The following BTRC variants were observed in gnomAD, a reference collection of about 807,000 sequenced individuals.
The protein encoded by BTRC is F-box/WD repeat-containing protein 1A.
BTRC carries 42 observed loss-of-function variants against 85.5 expected under a neutral mutation model. That is an observed-to-expected ratio of 0.49 (90% CI 0.38 to 0.64). The LOEUF (loss-of-function observed/expected upper bound fraction) is 0.64, where lower values mean the gene tolerates loss of function less well. Among genes scored for constraint, BTRC ranks in the 30% least tolerant of loss-of-function variants. The pLI is 0.00. For missense variants in BTRC, 594 were observed against 743.5 expected (o/e 0.80, Z 2.34); for synonymous variants, 255 against 263.3 (o/e 0.97, Z 0.30).
intron 13 of BTRC, among the ~76,000 whole-genome samples, chr10:101,547,907 A>G (rs895967424): frequency 2.1e-4 from 32 of 152,224 alleles, no homozygotes; most frequent in African/African-American, 6.3e-4. Context: ...GACAAATCAC[A>G]TGCTTATATC....
chr10:101,509,636 T>C (rs1946645387), intron 4 of BTRC, among the ~76,000 whole-genome samples: 1 of 148,746 alleles, frequency 6.7e-6, no homozygotes, highest in Non-Finnish European at 1.5e-5. Context: ...CACTGCAGGC[T>C]CAACCTCCCA....
At chr10:101,355,336 G>A (rs777020701) in intron 1 of BTRC, among the ~76,000 whole-genome samples, 1 of 152,238 alleles carries the variant, frequency 6.6e-6, no homozygotes, top group Non-Finnish European at 1.5e-5. Context: ...CACAGTGTGA[G>A]CAAAGATTGG....
At chr10:101,412,020 A>G (rs1288475884) in intron 1 of BTRC, among the ~76,000 whole-genome samples, 1 of 152,116 alleles carries the variant, frequency 6.6e-6, no homozygotes, top group Admixed American at 6.6e-5. Flanking sequence ...CTCCTAGTGA[A>G]TGTCATAAGT....
chr10:101,530,749 G>A (rs1002377903), intron 6 of BTRC, among the ~76,000 whole-genome samples: 2 of 152,202 alleles, frequency 1.3e-5, no homozygotes, highest in Non-Finnish European at 2.9e-5. Flanking sequence ...ATTCTTTAGA[G>A]CCCAGAAGGT....
chr10:101,416,225 G>C (rs1275305228), intron 1 of BTRC, among the ~76,000 whole-genome samples: 2 of 152,022 alleles, frequency 1.3e-5, no homozygotes, highest in Non-Finnish European at 2.9e-5. Context: ...TCCATTGTAT[G>C]CATATACTAG....
chr10:101,358,688 C>G lies in BTRC; in HGVS notation c.48+4460C>G, dbSNP rs2134466165. On this transcript the variant is annotated intron_variant, in intron 1 of 14. Coordinates refer to ENST00000370187, the MANE Select transcript of BTRC (RefSeq NM_033637.4). ...ACCTTCACTTCTCCTCTATATGGGC[C>G]TTTCTCTACCTGGCTGCTTGGATTT... 1.3e-5 allele frequency among the ~76,000 whole-genome samples: 2 copies of G among 152,224 alleles called. 1 individual carries two copies. Among genetic ancestry groups the G allele is most frequent in the South Asian group, 4.2e-4 (2 of 4,814 alleles).
intron 1 of BTRC, among the ~76,000 whole-genome samples, chr10:101,429,800 T>C (rs1297133151): frequency 6.8e-6 from 1 of 147,958 alleles, no homozygotes; most frequent in East Asian, 2.1e-4. Flanking sequence ...ACATAAAACA[T>C]ACGCAAACTG....
chr10:101,541,265 C>T (rs1485893099), intron 13 of BTRC, among the ~76,000 whole-genome samples: 5 of 147,130 alleles, frequency 3.4e-5, no homozygotes, highest in Non-Finnish European at 3.0e-5. Flanking sequence ...GGGTTTTTCT[C>T]TTTTTTTTTT....
chr10:101,384,546 T>G (rs900681154), intron 1 of BTRC, among the ~76,000 whole-genome samples: 1 of 152,216 alleles, frequency 6.6e-6, no homozygotes, highest in Non-Finnish European at 1.5e-5. Context: ...TTTTTTAAAG[T>G]GTGTATTTAT....
At chr10:101,451,066 A>G (rs1405545888) in intron 2 of BTRC, among the ~76,000 whole-genome samples, 1 of 152,190 alleles carries the variant, frequency 6.6e-6, no homozygotes, top group Admixed American at 6.5e-5. Flanking sequence ...GAAAATGGGC[A>G]AGCAAGAATT....
At chr10:101,547,882 CAG>C (rs1294512049) in intron 13 of BTRC, among the ~76,000 whole-genome samples, 1 of 152,166 alleles carries the variant, frequency 6.6e-6, no homozygotes, top group Admixed American at 6.5e-5. Flanking sequence ...TCCATCACAT[CAG>C]GGGGCTATAG....
At chr10:101,466,618 T>C (rs1340445625) in intron 3 of BTRC, among the ~76,000 whole-genome samples, 1 of 152,196 alleles carries the variant, frequency 6.6e-6, no homozygotes, top group East Asian at 1.9e-4. Context: ...TTAAAGGTGC[T>C]GACCCACTGA....
chr10:101,415,008 G>C (rs191446331), intron 1 of BTRC, among the ~76,000 whole-genome samples: 24 of 148,566 alleles, frequency 1.6e-4, no homozygotes, highest in Admixed American at 1.0e-3. Context: ...TAGCCTAAGT[G>C]CACAGAGTTT....
At chr10:101,503,893 G>C (rs1946452018) in intron 4 of BTRC, among the ~76,000 whole-genome samples, 1 of 152,176 alleles carries the variant, frequency 6.6e-6, no homozygotes, top group Non-Finnish European at 1.5e-5. Flanking sequence ...TGAAGGATTA[G>C]AGCACAAAGA....
At chr10:101,509,719 A>AT (rs549474862) in intron 4 of BTRC, among the ~76,000 whole-genome samples, 31,485 of 119,376 alleles carry the variant, frequency 0.26, 5,799 homozygotes, top group East Asian at 0.61. Flanking sequence ...CACACAGCTA[A>AT]TTTTTTTTTT....
At chr10:101,529,594 C>G (rs994691267) in intron 6 of BTRC, among the ~76,000 whole-genome samples, 2 of 152,196 alleles carry the variant, frequency 1.3e-5, no homozygotes, top group Non-Finnish European at 2.9e-5. Flanking sequence ...CATAACGCAT[C>G]TTGTTTCCCC....
chr10:101,390,405 T>C (rs1943206709), intron 1 of BTRC, among the ~76,000 whole-genome samples: 1 of 149,920 alleles, frequency 6.7e-6, no homozygotes, highest in Non-Finnish European at 1.5e-5. Flanking sequence ...TGGTGCAATC[T>C]CTGCTCACTG....
intron 1 of BTRC, among the ~76,000 whole-genome samples, chr10:101,406,512 C>G (rs1310454836): frequency 1.4e-5 from 2 of 138,636 alleles, no homozygotes; most frequent in Non-Finnish European, 3.1e-5. Flanking sequence ...TTAACATAGC[C>G]ATCTCAGGTT....
rs55978440 is a variant in BTRC, at chr10:101,482,393, C to CTTT, written c.324+2954_324+2956dup. On this transcript the variant is annotated intron_variant, in intron 4 of 14. Coordinates refer to ENST00000370187, the MANE Select transcript of BTRC (RefSeq NM_033637.4). ...CTGTTTCTTTTTTGTTTGTTTGTTT[C>CTTT]TTTTTTTTTTTTTTTTTTTTGAGAC... 6.8e-4 allele frequency among the ~76,000 whole-genome samples: 68 copies of CTTT among 99,806 alleles called. 1 individual carries two copies. The highest frequency in any genetic ancestry group is 8.7e-4 in the Non-Finnish European group (42 of 48,038). The allele number at this position is 99,806 out of a possible 152,430, so 65.5% of individuals were successfully genotyped here. A position where few individuals can be genotyped will look rare whatever the true frequency, so the allele number is the denominator to read the frequency against.
Sources: gnomAD v4.1 joint callset for allele counts (sites outside exome capture counted in the v4.1 genomes callset) on GRCh38, gnomAD v4.1.1 for gene constraint, MANE v1.5 for transcripts, NCBI Gene and HGNC (gene_info 2026-07-23, HGNC 2026-07-21) for gene names.